The following FAT3 variants were observed in gnomAD, a reference collection of about 807,000 sequenced individuals.
FAT3 encodes protocadherin Fat 3.
FAT3 carries 95 observed loss-of-function variants against 310.2 expected under a neutral mutation model. The ratio of observed to expected loss-of-function variants is 0.31; its 90% CI spans 0.26 to 0.36. The LOEUF (loss-of-function observed/expected upper bound fraction) is 0.36. Ranked by LOEUF, FAT3 falls within the 10% of genes least tolerant of loss-of-function variation. FAT3 has a pLI of 1.00. For missense variants in FAT3, 5,408 were observed against 5,715.6 expected (o/e 0.95, Z 1.74); for synonymous variants, 2,314 against 2,192.9 (o/e 1.06, Z -1.54).
At chr11:92,328,432 T>C (rs143533163) in intron 1 of FAT3, among the ~76,000 whole-genome samples, 2 of 152,350 alleles carry the variant, frequency 1.3e-5, no homozygotes, top group East Asian at 1.9e-4. Context: ...TTCATATTGA[T>C]CATTGAGTTT....
chr11:92,785,526 G>T (rs1946867524), intron 7 of FAT3, among the ~76,000 whole-genome samples: 1 of 151,802 alleles, frequency 6.6e-6, no homozygotes, highest in Non-Finnish European at 1.5e-5. Context: ...AAAATAACAG[G>T]TTAAAAATTT....
At chr11:92,350,583 A>T (rs1038583454) in intron 1 of FAT3, among the ~76,000 whole-genome samples, 1 of 152,134 alleles carries the variant, frequency 6.6e-6, no homozygotes, top group Non-Finnish European at 1.5e-5. Context: ...GATGGGGAAA[A>T]GCATGGATTT....
chr11:92,449,703 T>C (rs1260802480), intron 2 of FAT3, among the ~76,000 whole-genome samples: 2 of 152,198 alleles, frequency 1.3e-5, no homozygotes, highest in African/African-American at 4.8e-5. Context: ...ATACAGTCTT[T>C]GTACTTATGT....
At chr11:92,585,126 G>T (rs565679099) in intron 3 of FAT3, among the ~76,000 whole-genome samples, 134 of 152,150 alleles carry the variant, frequency 8.8e-4, no homozygotes, top group African/African-American at 3.1e-3. Context: ...GCAAATTCTT[G>T]ATAACCAAGA....
intron 1 of FAT3, among the ~76,000 whole-genome samples, chr11:92,276,184 C>A (rs943959166): frequency 6.6e-6 from 1 of 152,080 alleles, no homozygotes; most frequent in Non-Finnish European, 1.5e-5. Flanking sequence ...ATACATTAAC[C>A]CTTTTTTATT....
chr11:92,374,113 T>C (rs1249209500), intron 2 of FAT3, among the ~76,000 whole-genome samples: 1 of 151,646 alleles, frequency 6.6e-6, no homozygotes, highest in Non-Finnish European at 1.5e-5. Flanking sequence ...AGGTGTATGG[T>C]GCCCACCCAC....
At chr11:92,630,131 GC>G (rs151112588) in intron 3 of FAT3, among the ~76,000 whole-genome samples, 2,026 of 152,152 alleles carry the variant, frequency 0.013, 46 homozygotes, top group African/African-American at 0.046. Flanking sequence ...GGATCGCATG[GC>G]CCTCCCTACC....
chr11:92,266,202 C>A (rs1945941434), intron 1 of FAT3, among the ~76,000 whole-genome samples: 1 of 152,164 alleles, frequency 6.6e-6, no homozygotes, highest in African/African-American at 2.4e-5. Flanking sequence ...AAAGACATTT[C>A]TCTTCGAAAT....
chr11:92,561,971 C>G (rs1244398204), intron 3 of FAT3, among the ~76,000 whole-genome samples: 1 of 152,142 alleles, frequency 6.6e-6, no homozygotes, highest in African/African-American at 2.4e-5. Flanking sequence ...GTCTCCTGCT[C>G]ATGAAGTAGG....
intron 2 of FAT3, among the ~76,000 whole-genome samples, chr11:92,368,292 C>G (rs962260094): frequency 6.6e-6 from 1 of 152,076 alleles, no homozygotes; most frequent in African/African-American, 2.4e-5. Context: ...AAAGTCACAA[C>G]TTGTTATTTT....
At chr11:92,494,370 A>G (rs1225096433) in intron 2 of FAT3, among the ~76,000 whole-genome samples, 2 of 152,018 alleles carry the variant, frequency 1.3e-5, no homozygotes, top group African/African-American at 2.4e-5. Flanking sequence ...ACTCAATAAA[A>G]TATCATTATT....
chr11:92,576,046 G>C (rs1938468116), intron 3 of FAT3, among the ~76,000 whole-genome samples: 1 of 152,128 alleles, frequency 6.6e-6, no homozygotes, highest in South Asian at 2.1e-4. Flanking sequence ...GTGCTGTGCT[G>C]ATCTGAAGTA....
chr11:92,872,924 T>C (rs1949426328), intron 22 of FAT3, among the ~76,000 whole-genome samples: 1 of 152,198 alleles, frequency 6.6e-6, no homozygotes, highest in South Asian at 2.1e-4. Flanking sequence ...CATGATAACC[T>C]ATCCACCAGT....
intron 1 of FAT3, among the ~76,000 whole-genome samples, chr11:92,249,151 C>G (rs932864003): frequency 6.6e-6 from 1 of 152,048 alleles, no homozygotes; most frequent in Non-Finnish European, 1.5e-5. Flanking sequence ...AGTTAAAGTA[C>G]CTGCGTTTTG....
Position 92,800,138 on chromosome 11 carries a change from C to T in FAT3, c.7125C>T (p.Ser2375=), listed in dbSNP as rs114735511. The change falls in exon 10 of 28, where the codon AGC becomes AGT. Residue 2375 remains serine (S), a synonymous_variant. Transcript: ENST00000525166. ...TAGATAGTGGCTTCCCATCACTGAGCAGTGAGGTTCTCGTTCATATCTACA... is the reference window on the plus strand; with the variant it reads ...TAGATAGTGGCTTCCCATCACTGAGTAGTGAGGTTCTCGTTCATATCTACA... ...RSIDSGFPSL[S]SEVLVHIYIS... The T allele has an allele frequency of 1.2e-3, 1,952 of 1,613,920 alleles. 27 individuals are homozygous for T. In the African/African-American group the frequency reaches 0.022, roughly 18 times the overall value.
intron 9 of FAT3, among the ~76,000 whole-genome samples, chr11:92,794,468 C>T (rs1392113404): frequency 6.6e-6 from 1 of 152,080 alleles, no homozygotes; most frequent in South Asian, 2.1e-4. Flanking sequence ...TGTGTCTCTA[C>T]CTGCTTTTTA....
chr11:92,353,680 A>G lies in FAT3; in HGVS notation c.1568A>G (p.Gln523Arg). ...SLNLLPFVIN[Q>R]FTGVISTTEE... The stretch of plus-strand genomic sequence containing the variant: ...AATTTGTTACCATTTGTCATTAATC[A>G]GTTTACAGGTGTTATTAGCACAACT... The change falls in exon 2 of 28, where the codon CAG becomes CGG. Residue 523 changes from glutamine to arginine, a missense_variant. Physicochemically the swap from Gln to Arg is conservative, Grantham distance 43 (BLOSUM62 1). Transcript: ENST00000525166. The G allele has an allele frequency of 6.2e-7, 1 of 1,613,946 alleles. No homozygotes were observed. The highest frequency in any genetic ancestry group is 8.5e-7 in the Non-Finnish European group (1 of 1,179,872).
rs555234771 is a variant in FAT3, at chr11:92,522,200, A to G, written c.3293-2434A>G. ...TTAGTTTCCATCCCAGAGACAGCTT[A>G]GTTCCCTGTCACTTGTCTGTTCTAT... On this transcript the variant is annotated intron_variant, in intron 2 of 27. Coordinates refer to ENST00000525166, the MANE Select transcript of FAT3 (RefSeq NM_001367949.2). Among the ~76,000 whole-genome samples, 138 of 152,222 alleles carry G rather than the reference A, an allele frequency of 9.1e-4. 1 individual carries two copies. Among genetic ancestry groups the G allele is most frequent in the Admixed American group, 1.9e-3 (29 of 15,294 alleles).
intron 4 of FAT3, among the ~76,000 whole-genome samples, chr11:92,731,205 C>G (rs1048975740): frequency 1.3e-5 from 2 of 152,138 alleles, no homozygotes; most frequent in Non-Finnish European, 2.9e-5. Flanking sequence ...TACTCTCAAA[C>G]CTGTAAATAT....
Sources: allele counts gnomAD v4.1 joint callset (sites outside exome capture counted in the v4.1 genomes callset), GRCh38; gene constraint gnomAD v4.1.1; transcripts MANE v1.5; gene names NCBI Gene and HGNC (gene_info 2026-07-23, HGNC 2026-07-21).